The following ACSL4 variants were observed in gnomAD, a reference collection of about 807,000 sequenced individuals.
ACSL4 encodes the protein acyl-CoA synthetase long chain family member 4.
In ACSL4, 9 loss-of-function variants were observed where a neutral mutation model predicts 49.1. The ratio of observed to expected loss-of-function variants is 0.18; its 90% confidence interval spans 0.11 to 0.32. The LOEUF is 0.32. ACSL4 is among the 10% of genes least tolerant of loss of function. The pLI is 1.00. For missense variants in ACSL4, 333 were observed against 493.7 expected, an observed-to-expected ratio of 0.67 and a Z score of 3.08; for synonymous variants, 191 against 170.3, an observed-to-expected ratio of 1.12 and a Z score of -0.95.
chrX:109,699,033 G>A (rs748998482), intron 1 of ACSL4, among the ~76,000 whole-genome samples: 1 of 112,673 alleles, frequency 8.9e-6, no homozygotes, highest in Admixed American at 9.4e-5. Flanking sequence ...ATCTTAATAA[G>A]TTTAAAATAG....
intron 12 of ACSL4, among the ~76,000 whole-genome samples, chrX:109,664,604 A>T (rs949222143): frequency 8.9e-6 from 1 of 112,195 alleles, no homozygotes; most frequent in African/African-American, 3.2e-5. Context: ...ATAATAAAAA[A>T]TGCTTTAGAA....
At chrX:109,709,440 T>A (rs761425522) in intron 1 of ACSL4, among the ~76,000 whole-genome samples, 12 of 112,738 alleles carry the variant, frequency 1.1e-4, no homozygotes, top group Non-Finnish European at 2.2e-4. Context: ...ACTAGCTGAC[T>A]TCAAAAAGTA....
intron 1 of ACSL4, among the ~76,000 whole-genome samples, chrX:109,702,761 G>C (rs759305008): frequency 9.0e-6 from 1 of 111,633 alleles, no homozygotes; most frequent in South Asian, 3.7e-4. Context: ...AACCCAAAAA[G>C]AGTTCCCAAT....
At chrX:109,701,251 C>A in intron 1 of ACSL4, among the ~76,000 whole-genome samples, 1 of 109,120 alleles carries the variant, frequency 9.2e-6, no homozygotes, top group Non-Finnish European at 1.9e-5. Context: ...GAGTCTCACT[C>A]TGTCACCCAG....
intron 9 of ACSL4, among the ~76,000 whole-genome samples, 183 bp from the exon 10 acceptor site, chrX:109,669,356 T>C (rs1297858004): frequency 1.8e-5 from 2 of 110,357 alleles, no homozygotes; most frequent in Non-Finnish European, 1.9e-5. Context: ...AGGACAGATA[T>C]AGGGGTTTCT....
chrX:109,681,629 G>A (rs757300968), intron 4 of ACSL4, among the ~76,000 whole-genome samples: 2 of 111,890 alleles, frequency 1.8e-5, no homozygotes, highest in Non-Finnish European at 3.8e-5. Context: ...CACTGCCACA[G>A]CTGATCAAAA....
chrX:109,661,208 ATC>A (rs1321868541), intron 14 of ACSL4, among the ~76,000 whole-genome samples: 3 of 112,249 alleles, frequency 2.7e-5, no homozygotes, highest in African/African-American at 9.7e-5. Flanking sequence ...TTCAAAATTC[ATC>A]TCAACATGTA....
At chrX:109,668,327 A>G (rs111992055) in intron 10 of ACSL4, 54 bp from the exon 11 acceptor site, 1 of 1,023,176 alleles carries the variant, frequency 9.8e-7, no homozygotes, top group African/African-American at 1.9e-5. Flanking sequence ...ATTCTTGGCA[A>G]CACACTAATT....
chrX:109,692,061 C>G (rs1245443869), intron 2 of ACSL4: 1 of 111,604 alleles, frequency 9.0e-6, no homozygotes, highest in Non-Finnish European at 1.9e-5. Context: ...CTCCTGAAGT[C>G]GCCATTCTGC....
intron 15 of ACSL4, among the ~76,000 whole-genome samples, chrX:109,657,073 C>T (rs1372556203): frequency 9.0e-6 from 1 of 111,310 alleles, no homozygotes; most frequent in Non-Finnish European, 1.9e-5. Context: ...CCTTTACAAT[C>T]TCACCCAAGG....
At chrX:109,732,780 A>C (rs1018980347) in intron 1 of ACSL4, among the ~76,000 whole-genome samples, 1 of 111,409 alleles carries the variant, frequency 9.0e-6, no homozygotes, top group Non-Finnish European at 1.9e-5. Context: ...TCTAGCAAGC[A>C]CTTCATGGTC....
intron 1 of ACSL4, among the ~76,000 whole-genome samples, chrX:109,729,944 G>T (rs943955630): frequency 2.7e-5 from 3 of 112,371 alleles, no homozygotes; most frequent in Non-Finnish European, 3.8e-5. Context: ...GTGGTTGCCA[G>T]GAGTCAGGGA....
At position 109,719,009 on chromosome X, in the gene ACSL4, C is replaced by T. The variant is rs181032001; in HGVS notation, c.-66+14130G>A. Among the ~76,000 whole-genome samples the T allele has an allele frequency of 2.7e-5, 3 of 111,330 alleles. No homozygotes were observed. The East Asian group carries it at 8.5e-4, about 31-fold the overall frequency. On this transcript the variant is annotated intron_variant, in intron 1 of 15. Transcript: ENST00000672401. ...ATCAGAGGGGGTGCAGGGAGACAGTCAACAGACTTCCTCTTCCTCAGTTGA... is the reference window on the plus strand; with the variant it reads ...ATCAGAGGGGGTGCAGGGAGACAGTTAACAGACTTCCTCTTCCTCAGTTGA...
chrX:109,652,437 G>T (rs1334790469), intron 15 of ACSL4, among the ~76,000 whole-genome samples: 1 of 111,161 alleles, frequency 9.0e-6, no homozygotes, highest in African/African-American at 3.3e-5. Flanking sequence ...TTCTAACAAA[G>T]TGGGATACAG....
In ACSL4 at chrX:109,664,833, T is replaced by G. The variant is rs147716955; in HGVS notation, c.1390+587A>C. Among the ~76,000 whole-genome samples the G allele has an allele frequency of 2.4e-3, 266 of 112,171 alleles. 2 individuals carry two copies. The highest frequency in any genetic ancestry group is 8.3e-3 in the African/African-American group (258 of 30,929). ...TGTTTTATTTAACAATCTACTTTAT[T>G]GTAGTTACTGTGTATATTTAGTATC... On this transcript the variant is annotated intron_variant, in intron 12 of 15. Transcript: ENST00000672401.
At chrX:109,695,445 C>T (rs1199506809) in intron 2 of ACSL4, among the ~76,000 whole-genome samples, 3 of 108,678 alleles carry the variant, frequency 2.8e-5, no homozygotes, top group Non-Finnish European at 3.8e-5. Context: ...AGGACGGGCG[C>T]GGTGGCTCAC....
At position 109,678,546 on chromosome X, in the gene ACSL4, C is replaced by T. The variant is rs1923916912; in HGVS notation, c.656-131G>A. On this transcript the variant is annotated intron_variant, in intron 6 of 15. Coordinates refer to ENST00000672401, the MANE Select transcript of ACSL4 (RefSeq NM_001318510.2). ...CAGTATTTGCTTTAAATCATCAAAACGAGCTGGGTGAGGTGGCTCATGCCT... is the reference window on the plus strand; with the variant it reads ...CAGTATTTGCTTTAAATCATCAAAATGAGCTGGGTGAGGTGGCTCATGCCT... The T allele has an allele frequency of 6.1e-6, 5 of 821,440 alleles. No individual in the cohort carries two copies. In the South Asian group the frequency reaches 7.0e-5, roughly 11 times the overall value. The allele number at this position is 821,440 out of a possible 1,213,427, so 67.7% of individuals were successfully genotyped here.
At chrX:109,684,609 T>C (rs777996075) in intron 2 of ACSL4, among the ~76,000 whole-genome samples, 1 of 112,350 alleles carries the variant, frequency 8.9e-6, no homozygotes, top group African/African-American at 3.2e-5. Context: ...CTGAAAAGCC[T>C]TGTGGTAATA....
At chrX:109,649,933 C>T (rs865858071) in intron 15 of ACSL4, among the ~76,000 whole-genome samples, 1 of 106,489 alleles carries the variant, frequency 9.4e-6, no homozygotes, top group South Asian at 4.3e-4. Flanking sequence ...AAAATGCTCA[C>T]CATCACTGGC....
Sources: gnomAD v4.1 joint callset for allele counts (sites outside exome capture counted in the v4.1 genomes callset) on GRCh38, gnomAD v4.1.1 for gene constraint, MANE v1.5 for transcripts, NCBI Gene and HGNC (gene_info 2026-07-23, HGNC 2026-07-21) for gene names.